The following INPP5A variants were observed in gnomAD, a reference collection of about 807,000 sequenced individuals.
INPP5A encodes the protein inositol polyphosphate-5-phosphatase A, also known as 43 kDa inositol polyphosphate 5-phophatase.
Under a neutral mutation model 65.2 loss-of-function variants are expected in INPP5A, and 14 were observed. The observed-to-expected ratio is 0.21, with a 90% CI of 0.14 to 0.34. The LOEUF is 0.34. Ranked by LOEUF, INPP5A falls within the 10% of genes least tolerant of loss-of-function variation. INPP5A has a pLI of 1.00. For synonymous variants in INPP5A, 207 were observed against 208.3 expected (o/e 0.99, Z 0.05); for missense variants, 431 against 545.6 (o/e 0.79, Z 2.09).
rs1251101608 is a variant in INPP5A, at chr10:132,663,465, C to G, written c.306+12960C>G. On this transcript the variant is annotated intron_variant, in intron 4 of 15. Transcript: ENST00000368594. This position sits in a 1 kb window ranked among gnomAD's most constrained non-coding sequence, Gnocchi z 4.5. Reference sequence around the variant, plus strand: ...CCAACTCCTGGCCTCAAGTGATCCTCTTGCCTTGGCCTCTCAAAGTGCTGG... The same window carrying G: ...CCAACTCCTGGCCTCAAGTGATCCTGTTGCCTTGGCCTCTCAAAGTGCTGG... Among the ~76,000 whole-genome samples, 2 of 152,230 alleles carry G rather than the reference C, an allele frequency of 1.3e-5. No homozygotes were observed. Among genetic ancestry groups the G allele is most frequent in the Non-Finnish European group, 2.9e-5 (2 of 68,038 alleles).
At chr10:132,624,902 C>T (rs1377994063) in intron 2 of INPP5A, among the ~76,000 whole-genome samples, 1 of 151,958 alleles carries the variant, frequency 6.6e-6, no homozygotes, top group Non-Finnish European at 1.5e-5. Flanking sequence ...GTGGCATCTG[C>T]CTCTTCTCCC....
intron 1 of INPP5A, among the ~76,000 whole-genome samples, chr10:132,544,449 T>G (rs923366515): frequency 1.3e-5 from 2 of 151,852 alleles, no homozygotes; most frequent in South Asian, 2.1e-4. Context: ...TCTTTTTTTT[T>G]GGGTTGCTGT....
At chr10:132,625,872 GTGTGTT>G (rs775027858) in intron 2 of INPP5A, among the ~76,000 whole-genome samples, 64 of 84,288 alleles carry the variant, frequency 7.6e-4, no homozygotes, top group African/African-American at 2.7e-3. Context: ...GTGTGTGTGT[GTGTGTT>G]TGTGTGTGTG....
chr10:132,670,141 C>A (rs1359862970), intron 4 of INPP5A, among the ~76,000 whole-genome samples: 4 of 147,760 alleles, frequency 2.7e-5, no homozygotes, highest in Admixed American at 6.7e-5. Flanking sequence ...CCCCAAGACC[C>A]TACACCCTCT....
At chr10:132,722,668 C>G (rs1381597290) in intron 8 of INPP5A, among the ~76,000 whole-genome samples, 1 of 152,240 alleles carries the variant, frequency 6.6e-6, no homozygotes, top group South Asian at 2.1e-4. Flanking sequence ...ACGAGCCCCC[C>G]AGCCGTCGCG....
intron 8 of INPP5A, among the ~76,000 whole-genome samples, chr10:132,723,681 G>A (rs915492033): frequency 6.6e-6 from 1 of 152,042 alleles, no homozygotes; most frequent in East Asian, 1.9e-4. Flanking sequence ...TTGGCCGTGT[G>A]GGGATTGGCC....
In INPP5A at chr10:132,752,008, G is replaced by A. The variant is rs372132767; in HGVS notation, c.903+2163G>A. ...GGGTAGAGGCGGGTGCCCAGGAGGCGTCTGGGTAGAGGCAGGTGCCCAGGA... is the reference window on the plus strand; with the variant it reads ...GGGTAGAGGCGGGTGCCCAGGAGGCATCTGGGTAGAGGCAGGTGCCCAGGA... On this transcript the variant is annotated intron_variant, in intron 11 of 15. Coordinates refer to ENST00000368594, the MANE Select transcript of INPP5A (RefSeq NM_005539.5). Among the ~76,000 whole-genome samples, 23 of 149,298 alleles carry A rather than the reference G, an allele frequency of 1.5e-4. No homozygotes were observed. In the East Asian group the frequency reaches 3.3e-3, roughly 21 times the overall value.
rs1385044394 is a variant in INPP5A, at chr10:132,547,844, T to A, written c.75+9673T>A. Among the ~76,000 whole-genome samples the A allele has an allele frequency of 2.0e-5, 3 of 152,072 alleles. No individual in the cohort carries two copies. Among genetic ancestry groups the A allele is most frequent in the Non-Finnish European group, 4.4e-5 (3 of 67,998 alleles). ...ACTGTGCTTTACCGTGACTGTGGCG[T>A]CACACTCAGGTGTGCTGGCCTTTGG... is the stretch of plus-strand genomic sequence containing the variant. On this transcript the variant is annotated intron_variant, in intron 1 of 15. Coordinates refer to ENST00000368594, the MANE Select transcript of INPP5A (RefSeq NM_005539.5). This position sits in a 1 kb window ranked among gnomAD's most constrained non-coding sequence, Gnocchi z 5.5.
intron 4 of INPP5A, among the ~76,000 whole-genome samples, chr10:132,662,156 C>T (rs1280311977): frequency 6.6e-6 from 1 of 152,136 alleles, no homozygotes; most frequent in Admixed American, 6.5e-5. Context: ...TGAAGACGAC[C>T]GTGGCAAGCG....
At chr10:132,745,989 C>G (rs1274730382) in intron 9 of INPP5A, among the ~76,000 whole-genome samples, 2 of 105,124 alleles carry the variant, frequency 1.9e-5, no homozygotes, top group African/African-American at 2.7e-5. Flanking sequence ...CCTCGCCTAC[C>G]CTGCCTACCC....
At chr10:132,683,320 G>A (rs546182719) in intron 4 of INPP5A, among the ~76,000 whole-genome samples, 7 of 145,756 alleles carry the variant, frequency 4.8e-5, no homozygotes, top group South Asian at 4.4e-4. Context: ...TGGAGGGCAC[G>A]TGTCTGCCGT....
chr10:132,563,047 G>T (rs967270264), intron 1 of INPP5A, among the ~76,000 whole-genome samples: 1 of 152,250 alleles, frequency 6.6e-6, no homozygotes, highest in African/African-American at 2.4e-5. Flanking sequence ...CTGGCAGGAG[G>T]TGAGGAGGTG....
intron 9 of INPP5A, among the ~76,000 whole-genome samples, chr10:132,728,053 C>T (rs1226161787): frequency 6.6e-6 from 1 of 152,220 alleles, no homozygotes; most frequent in Admixed American, 6.5e-5. Context: ...ATGAGTGCCC[C>T]TAAAACCCTC....
In INPP5A at chr10:132,649,576, C is replaced by T. The variant is rs982480958; in HGVS notation, c.219-842C>T. On this transcript the variant is annotated intron_variant, in intron 3 of 15. Coordinates refer to ENST00000368594, the MANE Select transcript of INPP5A (RefSeq NM_005539.5). ...CTGTCAAGGCATTCTTTGCCTTGCCCTTCTCTACTGGTGCAGTTTTATTTT... is the reference window on the plus strand; with the variant it reads ...CTGTCAAGGCATTCTTTGCCTTGCCTTTCTCTACTGGTGCAGTTTTATTTT... 2.0e-5 allele frequency among the ~76,000 whole-genome samples: 3 copies of T among 152,200 alleles called. No individual in the cohort carries two copies. The South Asian group carries it at 6.2e-4, about 32-fold the overall frequency.
At chr10:132,583,700 C>CTTGG (rs1196717309) in intron 1 of INPP5A, among the ~76,000 whole-genome samples, 1 of 152,198 alleles carries the variant, frequency 6.6e-6, no homozygotes, top group African/African-American at 2.4e-5. Context: ...CTTTATTTGG[C>CTTGG]TAACTTGGTA....
chr10:132,621,842 A>T (rs2072114573), intron 2 of INPP5A, among the ~76,000 whole-genome samples: 2 of 151,472 alleles, frequency 1.3e-5, no homozygotes, highest in African/African-American at 4.9e-5. Flanking sequence ...AATAGGAGGC[A>T]GGTTTGCCTC....
intron 6 of INPP5A, among the ~76,000 whole-genome samples, chr10:132,699,118 G>A (rs1198300507): frequency 6.6e-6 from 1 of 152,222 alleles, no homozygotes; most frequent in Non-Finnish European, 1.5e-5. Flanking sequence ...TCTTCTCCAC[G>A]CACAGTAGTT....
In INPP5A at chr10:132,575,337, G is replaced by C. The variant is rs1006643904; in HGVS notation, c.76-32578G>C. ...TACCTGATGTGTAGCTCCCAGAAAG[G>C]CTTGTGCAGAACTGACATGTGGCTA... On this transcript the variant is annotated intron_variant, in intron 1 of 15. Coordinates refer to ENST00000368594, the MANE Select transcript of INPP5A (RefSeq NM_005539.5). The surrounding 1 kb of genome is among the most constrained non-coding windows in gnomAD (Gnocchi z 5.4). Among the ~76,000 whole-genome samples, 3 of 152,148 alleles carry C rather than the reference G, an allele frequency of 2.0e-5. No homozygotes were observed. The highest frequency in any genetic ancestry group is 2.9e-5 in the Non-Finnish European group (2 of 68,034).
At chr10:132,582,886 A>G (rs772335246) in intron 1 of INPP5A, among the ~76,000 whole-genome samples, 2 of 152,188 alleles carry the variant, frequency 1.3e-5, no homozygotes, top group Non-Finnish European at 1.5e-5. Flanking sequence ...CCCTAACTTG[A>G]TTCTTGCAGA....
Sources: allele counts gnomAD v4.1 joint callset (sites outside exome capture counted in the v4.1 genomes callset), GRCh38; gene constraint gnomAD v4.1.1; non-coding constraint Gnocchi (gnomAD v3.1); transcripts MANE v1.5; gene names NCBI Gene and HGNC (gene_info 2026-07-23, HGNC 2026-07-21).